Variants in UFD1 observed in about 807,000 individuals in gnomAD.
UFD1 encodes ubiquitin recognition factor in ER-associated degradation protein 1.
Under a neutral mutation model 45.9 loss-of-function variants are expected in UFD1, and 13 were observed. The ratio of observed to expected loss-of-function variants is 0.28; its 90% CI spans 0.18 to 0.45. The LOEUF (loss-of-function observed/expected upper bound fraction) is 0.45. Ranked by LOEUF, UFD1 falls within the 20% of genes least tolerant of loss-of-function variation. The probability of loss-of-function intolerance (pLI) is 1.00; values close to 1 mark genes in which losing one functional copy is unlikely to be tolerated. For missense variants in UFD1, 218 were observed against 389.2 expected, an observed-to-expected ratio of 0.56 and a Z score of 3.70; for synonymous variants, 128 against 139.2, an observed-to-expected ratio of 0.92 and a Z score of 0.56.
At chr22:19,456,754 GACT>G in intron 8 of UFD1, 96 bp downstream of exon 8, 2 of 1,613,192 alleles carry the variant, frequency 1.2e-6, no homozygotes, top group South Asian at 2.2e-5. Context: ...CAGAGGATAT[GACT>G]ACACCAACAC....
At chr22:19,452,495 T>G (rs1470546651) in intron 11 of UFD1, 1 of 152,212 alleles carries the variant, frequency 6.6e-6, no homozygotes, top group Non-Finnish European at 1.5e-5. Context: ...ATTGCTCCAC[T>G]ATCTTCTAGT....
intron 6 of UFD1, 146 bp from the exon 7 acceptor site, chr22:19,458,285 G>C: frequency 1.2e-6 from 1 of 801,686 alleles, no homozygotes; most frequent in South Asian, 1.6e-5. Flanking sequence ...TTCTTGCTGT[G>C]ACAACACTGC....
intron 1 of UFD1, chr22:19,478,852 G>A (rs1448779257): frequency 7.2e-6 from 4 of 554,980 alleles, no homozygotes; most frequent in Admixed American, 7.7e-5. Context: ...AGGAGGGCAA[G>A]TCCGGCTGAG....
chr22:19,471,360 A>G (rs1030127929), intron 4 of UFD1: 1 of 594,158 alleles, frequency 1.7e-6, no homozygotes, highest in Non-Finnish European at 3.2e-6. Context: ...CACCCTACTT[A>G]CTAGACCACC....
intron 11 of UFD1, chr22:19,454,390 G>GTAACTGAGTCGGTGGGAGA: frequency 1.1e-6 from 1 of 915,140 alleles, no homozygotes; most frequent in African/African-American, 1.8e-5. Flanking sequence ...TCGGTGGGAG[G>GTAACTGAGTCGGTGGGAGA]TAACTGAGTC....
intron 11 of UFD1, chr22:19,451,310 G>A (rs573212292): frequency 5.3e-5 from 52 of 985,362 alleles, no homozygotes; most frequent in South Asian, 9.4e-5. Context: ...GATGTAGGAG[G>A]GCCAGTTTTC....
intron 4 of UFD1, chr22:19,471,084 C>T: frequency 2.3e-6 from 1 of 442,146 alleles, no homozygotes; most frequent in Middle Eastern, 4.9e-4. Flanking sequence ...CTCCTCCCTA[C>T]AGCACTGGCA....
At chr22:19,476,964 G>A (rs768268331) in intron 1 of UFD1, among the ~76,000 whole-genome samples, 2 of 128,908 alleles carry the variant, frequency 1.6e-5, no homozygotes, top group Non-Finnish European at 3.1e-5. Context: ...CCGAGATCGT[G>A]CCACTGCACT....
chr22:19,451,356 T>C (rs550095325), intron 11 of UFD1: 1 of 985,482 alleles, frequency 1.0e-6, no homozygotes, highest in African/African-American at 1.7e-5. Flanking sequence ...CAGCTTAATG[T>C]ATTTGCACAC....
intron 3 of UFD1, among the ~76,000 whole-genome samples, chr22:19,473,447 A>G (rs2089859940): frequency 6.6e-6 from 1 of 152,212 alleles, no homozygotes; most frequent in South Asian, 2.1e-4. Context: ...CTACACCTCA[A>G]TGACCCAGCC....
intron 2 of UFD1, among the ~76,000 whole-genome samples, 170 bp from the exon 3 acceptor site, chr22:19,475,270 G>A (rs958397069): frequency 6.6e-6 from 1 of 152,120 alleles, no homozygotes; most frequent in Non-Finnish European, 1.5e-5. Flanking sequence ...TTTATTTTGG[G>A]AACTGAATGG....
At chr22:19,466,816 T>A (rs1173304624) in intron 5 of UFD1, 2 of 152,068 alleles carry the variant, frequency 1.3e-5, no homozygotes, top group African/African-American at 2.4e-5. Flanking sequence ...AGCAGCAGAG[T>A]GAGACTCCGT....
At chr22:19,453,581 T>TG in intron 11 of UFD1, 1 of 985,548 alleles carries the variant, frequency 1.0e-6, no homozygotes, top group Non-Finnish European at 1.2e-6. Context: ...CTGTAGCTGG[T>TG]GAAGCCTGGA....
intron 5 of UFD1, chr22:19,466,248 T>A (rs2089800931): frequency 1.3e-5 from 2 of 152,290 alleles, no homozygotes; most frequent in Admixed American, 1.3e-4. Context: ...TGCCAGGGCA[T>A]CTTCTCTGAC....
intron 3 of UFD1, among the ~76,000 whole-genome samples, chr22:19,473,123 C>G (rs542176963): frequency 6.6e-6 from 1 of 152,162 alleles, no homozygotes; most frequent in African/African-American, 2.4e-5. Flanking sequence ...ACCTCTGTCC[C>G]GGTCCACCTC....
chr22:19,454,662 C>G (rs1422268294), intron 11 of UFD1, 87 bp downstream of exon 11: 1 of 1,601,464 alleles, frequency 6.2e-7, no homozygotes, highest in South Asian at 1.1e-5. Context: ...AATGCACACC[C>G]CTACTCAGAA....
At chr22:19,464,590 C>G (rs2089788479) in intron 6 of UFD1, among the ~76,000 whole-genome samples, 1 of 152,228 alleles carries the variant, frequency 6.6e-6, no homozygotes, top group Non-Finnish European at 1.5e-5. Context: ...AGCATAAAAT[C>G]AGGGATGAAA....
chr22:19,466,331 G>A (rs1010170455), intron 5 of UFD1: 3 of 152,270 alleles, frequency 2.0e-5, no homozygotes, highest in African/African-American at 4.8e-5. Flanking sequence ...CAGGCAGGGC[G>A]GGCTCCCCAT....
At chr22:19,470,586 C>T (rs1038794752) in intron 4 of UFD1, 1 of 375,666 alleles carries the variant, frequency 2.7e-6, no homozygotes, top group Non-Finnish European at 5.3e-6. Context: ...GGACTACAGG[C>T]ACGTGCCACC....
Sources: gnomAD v4.1 joint callset for allele counts (sites outside exome capture counted in the v4.1 genomes callset) on GRCh38, gnomAD v4.1.1 for gene constraint, MANE v1.5 for transcripts, NCBI Gene and HGNC (gene_info 2026-07-23, HGNC 2026-07-21) for gene names.